MAP4: variants seen among roughly 807,000 people sequenced by gnomAD.
MAP4 encodes microtubule associated protein 4.
MAP4 carries 76 observed loss-of-function variants against 170.2 expected under a neutral mutation model. That is an observed-to-expected ratio of 0.45 (90% confidence interval 0.37 to 0.54). The LOEUF (loss-of-function observed/expected upper bound fraction) is 0.54. MAP4 is among the 20% of genes least tolerant of loss of function. The probability of loss-of-function intolerance (pLI) is 0.00; values close to 1 mark genes in which losing one functional copy is unlikely to be tolerated. For synonymous variants in MAP4, 909 were observed against 994.5 expected (o/e 0.91, Z 1.62); for missense variants, 2,506 against 2,748.0 (o/e 0.91, Z 1.97).
chr3:48,078,569 G>A lies in MAP4; in HGVS notation c.-20+10204C>T, dbSNP rs556954898. Among the ~76,000 whole-genome samples the A allele has an allele frequency of 2.0e-5, 3 of 152,132 alleles. No homozygotes were observed. In the South Asian group the frequency reaches 6.2e-4, roughly 32 times the overall value. Reference sequence around the variant, plus strand: ...TATACATTGGGGAAAACATCAAAGAGTAGGGTAGAAAGGGGCCGTGAATGA... The same window carrying A: ...TATACATTGGGGAAAACATCAAAGAATAGGGTAGAAAGGGGCCGTGAATGA... On this transcript the variant is annotated intron_variant, in intron 1 of 18. Transcript: ENST00000360240.
chr3:47,875,856 G>A lies in MAP4; in HGVS notation c.5586C>T (p.Ala1862=). ...TAGGGAGAGAAGTGGGCTGTGTTTTGGCTTTCGATGTTGAAGTCTTTGCAG... is the reference window on the plus strand; with the variant it reads ...TAGGGAGAGAAGTGGGCTGTGTTTTAGCTTTCGATGTTGAAGTCTTTGCAG... The part of the protein sequence containing the change: ...TQPAKTSTSK[A]KTQPTSLPKQ... The change falls in exon 12 of 21, where the codon GCC becomes GCT. Residue 1862 remains alanine, a synonymous_variant. Transcript: ENST00000683076. 1 of 1,613,130 alleles carries A rather than the reference G, an allele frequency of 6.2e-7. No homozygotes were observed. Among genetic ancestry groups the A allele is most frequent in the Non-Finnish European group, 8.5e-7 (1 of 1,179,804 alleles).
At chr3:48,026,664 GAC>G (rs2100113271) in intron 1 of MAP4, among the ~76,000 whole-genome samples, 1 of 151,986 alleles carries the variant, frequency 6.6e-6, no homozygotes, top group African/African-American at 2.4e-5. Context: ...ATTAATAAAA[GAC>G]TAAATTTCAG....
chr3:47,856,910 A>G (rs1288998659), intron 18 of MAP4, among the ~76,000 whole-genome samples: 1 of 152,244 alleles, frequency 6.6e-6, no homozygotes, highest in Non-Finnish European at 1.5e-5. Context: ...GCCTCCGCAC[A>G]GCGACTTCCA....
intron 3 of MAP4, among the ~76,000 whole-genome samples, chr3:47,959,179 A>C (rs2100069807): frequency 1.3e-5 from 2 of 152,152 alleles, no homozygotes; most frequent in Non-Finnish European, 2.9e-5. Flanking sequence ...TATATACATG[A>C]AGGTGGCCGG....
intron 1 of MAP4, among the ~76,000 whole-genome samples, chr3:48,052,711 C>G (rs2100128571): frequency 1.3e-5 from 2 of 152,140 alleles, no homozygotes; most frequent in Non-Finnish European, 2.9e-5. Context: ...GAATCAAAAG[C>G]AGAAAGCCAA....
At chr3:47,927,831 G>A (rs920528091) in intron 4 of MAP4, among the ~76,000 whole-genome samples, 1 of 152,106 alleles carries the variant, frequency 6.6e-6, no homozygotes, top group Non-Finnish European at 1.5e-5. Flanking sequence ...GTCAAAAGAG[G>A]ATACATATAT....
At chr3:48,019,756 G>C (rs2100109644), upstream of MAP4, among the ~76,000 whole-genome samples, 1 of 152,080 alleles carries the variant, frequency 6.6e-6, no homozygotes, top group South Asian at 2.1e-4. Flanking sequence ...GCACACCTGT[G>C]GTCCCAGCTC....
Position 47,924,887 on chromosome 3 carries a change from T to C in MAP4, c.416-3009A>G, listed in dbSNP as rs1301096639. Among the ~76,000 whole-genome samples the C allele has an allele frequency of 2.0e-5, 3 of 152,078 alleles. No individual in the cohort carries two copies. In the East Asian group the frequency reaches 5.8e-4, roughly 29 times the overall value. On this transcript the variant is annotated intron_variant, in intron 4 of 20. Coordinates refer to ENST00000683076, the MANE Select transcript of MAP4 (RefSeq NM_001385682.1). Reference sequence around the variant, plus strand: ...GTGCAGTGGCGTGATCTCAGCTTACTGCAACCTCCGCCTCCCAGGTTCAAG... The same window carrying C: ...GTGCAGTGGCGTGATCTCAGCTTACCGCAACCTCCGCCTCCCAGGTTCAAG...
Position 47,871,011 on chromosome 3 carries a change from G to A in MAP4, c.6096C>T (p.Ser2032=). The A allele has an allele frequency of 6.2e-7, 1 of 1,614,126 alleles. No individual in the cohort carries two copies. The highest frequency in any genetic ancestry group is 8.5e-7 in the Non-Finnish European group (1 of 1,179,964). The change falls in exon 15 of 21, where the codon AGC becomes AGT. Residue 2032 remains serine (S), a synonymous_variant. Transcript: ENST00000683076. The part of the protein sequence containing the change: ...GTAPAAGVVP[S]RVKATPMPSR... ...AGGGCATGGGTGTGGCCTTGACTCG[G>A]CTGGGAACCACCCCTGCAGCGGGGG...
At chr3:48,088,696 C>T (rs1413546650) in intron 1 of MAP4, 1 of 152,282 alleles carries the variant, frequency 6.6e-6, no homozygotes, top group Non-Finnish European at 1.5e-5. Flanking sequence ...CCAGCTGCCG[C>T]AGGGCAAGGC....
chr3:47,947,672 G>A (rs1008705521), intron 3 of MAP4, among the ~76,000 whole-genome samples: 2 of 151,728 alleles, frequency 1.3e-5, no homozygotes, highest in African/African-American at 2.4e-5. Flanking sequence ...TTAGCCAGGC[G>A]TGGTGGTGGG....
Position 47,855,466 on chromosome 3 carries a change from T to C in MAP4, c.6584-106A>G, listed in dbSNP as rs1452312152. 2 of 732,324 alleles carry C rather than the reference T, an allele frequency of 2.7e-6. No individual in the cohort carries two copies. The highest frequency in any genetic ancestry group is 3.4e-5 in the African/African-American group (2 of 58,204). 45.4% of individuals were successfully genotyped at this position (732,324 alleles called of 1,614,324 possible). On this transcript the variant is annotated intron_variant, in intron 18 of 20. Transcript: ENST00000683076. The surrounding 1 kb of genome is among the most constrained non-coding windows in gnomAD (Gnocchi z 5.1). ...ATCTAGAAATGAGACAGACGTGACCTGTTCTGGGTGGCAAATGAAGAACAG... is the reference window on the plus strand; with the variant it reads ...ATCTAGAAATGAGACAGACGTGACCCGTTCTGGGTGGCAAATGAAGAACAG...
At chr3:47,889,942 A>C (rs1490170653) in intron 10 of MAP4, among the ~76,000 whole-genome samples, 1 of 151,950 alleles carries the variant, frequency 6.6e-6, no homozygotes, top group Non-Finnish European at 1.5e-5. Context: ...CCATAAAAAA[A>C]AAAAACCCAA....
intron 3 of MAP4, among the ~76,000 whole-genome samples, chr3:47,953,367 A>G (rs897560255): frequency 4.6e-5 from 7 of 152,182 alleles, no homozygotes; most frequent in African/African-American, 1.7e-4. Context: ...CACAAAAAAT[A>G]AAAAATTAAC....
At chr3:48,005,726 G>A (rs1039605757) in intron 1 of MAP4, among the ~76,000 whole-genome samples, 4 of 152,194 alleles carry the variant, frequency 2.6e-5, no homozygotes, top group African/African-American at 9.7e-5. Context: ...CCAGCTGGGA[G>A]GGTCCAGAAG....
chr3:48,009,461 G>A (rs1011618212), intron 1 of MAP4, among the ~76,000 whole-genome samples: 1 of 152,166 alleles, frequency 6.6e-6, no homozygotes, highest in Admixed American at 6.5e-5. Flanking sequence ...TCTGACCAAG[G>A]CACTCACTTT....
chr3:47,957,191 G>A (rs2100068346), intron 3 of MAP4, among the ~76,000 whole-genome samples: 3 of 151,972 alleles, frequency 2.0e-5, no homozygotes, highest in South Asian at 2.1e-4. Flanking sequence ...TTTTTGAGAT[G>A]AGGTCTCCCT....
intron 17 of MAP4, among the ~76,000 whole-genome samples, chr3:47,861,439 G>A (rs191237668): frequency 8.2e-5 from 12 of 146,276 alleles, no homozygotes; most frequent in South Asian, 6.6e-4. Flanking sequence ...TGCAACCTCC[G>A]ACTGCCTGGT....
At chr3:47,863,805 A>G (rs903984330) in intron 17 of MAP4, among the ~76,000 whole-genome samples, 3 of 151,604 alleles carry the variant, frequency 2.0e-5, no homozygotes, top group African/African-American at 7.3e-5. Context: ...GCTCTCATCA[A>G]GGGGTATGTC....
Sources: gnomAD v4.1 joint callset for allele counts (sites outside exome capture counted in the v4.1 genomes callset) on GRCh38, gnomAD v4.1.1 for gene constraint, Gnocchi (gnomAD v3.1) non-coding constraint, MANE v1.5 for transcripts, NCBI Gene and HGNC (gene_info 2026-07-23, HGNC 2026-07-21) for gene names.